The following ERMP1 variants were observed in gnomAD, a reference collection of about 807,000 sequenced individuals.
ERMP1 encodes the protein Felix-ina.
A neutral mutation model predicts 92.0 loss-of-function variants in ERMP1; 86 were observed. The observed-to-expected ratio is 0.93, with a 90% CI of 0.79 to 1.12. ERMP1 has a LOEUF of 1.12. Ranked by LOEUF, ERMP1 falls within the 50% of genes most tolerant of loss-of-function variation. The pLI, the probability that ERMP1 is intolerant of heterozygous loss-of-function variation, is 0.00. For missense variants in ERMP1, 1,342 were observed against 1,116.3 expected, an observed-to-expected ratio of 1.20 and a Z score of -2.88; for synonymous variants, 530 against 412.8, an observed-to-expected ratio of 1.28 and a Z score of -3.44.
intron 10 of ERMP1, among the ~76,000 whole-genome samples, chr9:5,801,637 G>T (rs574716882): frequency 6.6e-6 from 1 of 152,304 alleles, no homozygotes; most frequent in Admixed American, 6.5e-5. Context: ...TGTGCGAAAA[G>T]AACAGAAATG....
intron 6 of ERMP1, among the ~76,000 whole-genome samples, chr9:5,847,672 G>A (rs1830254109): frequency 6.6e-6 from 1 of 152,084 alleles, no homozygotes; most frequent in Admixed American, 6.5e-5. Flanking sequence ...AAGGCGGGCG[G>A]ATCATGAGGT....
In ERMP1 at chr9:5,805,706, G is replaced by A; in HGVS notation, c.1628C>T (p.Thr543Ile). 6.2e-7 allele frequency: 1 copy of A among 1,613,744 alleles called. No individual in the cohort carries two copies. Among genetic ancestry groups the A allele is most frequent in the Admixed American group, 1.7e-5 (1 of 59,954 alleles). ...AAACGCCGAGCAAAGTCCTTGGTAAGTGAGGGTAACAAGAAAACAGCAATG... is the reference window on the plus strand; with the variant it reads ...AAACGCCGAGCAAAGTCCTTGGTAAATGAGGGTAACAAGAAAACAGCAATG... ...FVHCCFLVTL[T>I]YQGLCSAFIS... Residue 543 changes from threonine to isoleucine, a missense_variant, in exon 9 of 15, where the codon ACT becomes ATT. Coordinates refer to ENST00000339450, the MANE Select transcript of ERMP1 (RefSeq NM_024896.3).
intron 4 of ERMP1, 64 bp from the exon 5 acceptor site, chr9:5,813,099 T>A (rs1829169001): frequency 1.3e-6 from 2 of 1,558,766 alleles, no homozygotes; most frequent in Non-Finnish European, 8.8e-7. Flanking sequence ...ATACTAATGT[T>A]TTTCAACACA....
At chr9:5,797,261 T>C (rs1485396291) in intron 13 of ERMP1, among the ~76,000 whole-genome samples, 1 of 151,862 alleles carries the variant, frequency 6.6e-6, no homozygotes, top group Non-Finnish European at 1.5e-5. Flanking sequence ...TGGCTGGTCT[T>C]GAACTCCTGG....
At chr9:5,817,388 C>G (rs1268603607) in intron 4 of ERMP1, among the ~76,000 whole-genome samples, 1 of 152,068 alleles carries the variant, frequency 6.6e-6, no homozygotes, top group Admixed American at 6.5e-5. Flanking sequence ...CAGGGTTTCA[C>G]AATGTTGGCC....
intron 6 of ERMP1, among the ~76,000 whole-genome samples, chr9:5,845,173 G>C (rs1830220903): frequency 6.7e-6 from 1 of 150,000 alleles, no homozygotes; most frequent in African/African-American, 2.5e-5. Context: ...TGGTGGTGGT[G>C]GTTTAATTTT....
chr9:5,797,125 C>T (rs1010994843), intron 13 of ERMP1, among the ~76,000 whole-genome samples: 1 of 152,040 alleles, frequency 6.6e-6, no homozygotes. Context: ...ACCTCCTGGG[C>T]TCAAGTGATT....
Position 5,798,908 on chromosome 9 carries a change from G to C in ERMP1, c.2168C>G (p.Thr723Ser), listed in dbSNP as rs1378096672. ...ATCATTGATCTCAGGAATGTGAGGG[G>C]TTATGTGAGAAATTCCAGTATAATC... is the stretch of plus-strand genomic sequence containing the variant. ...GFDYTGISHI[T>S]PHIPEINDSI... Residue 723 changes from threonine to serine, a missense_variant, in exon 12 of 15, where the codon ACC becomes AGC. Transcript: ENST00000339450. The C allele has an allele frequency of 1.9e-6, 3 of 1,611,806 alleles. No homozygotes were observed. The African/African-American group carries it at 4.0e-5, about 22-fold the overall frequency.
intron 6 of ERMP1, 22 bp from the exon 7 acceptor site, chr9:5,811,345 A>G (rs762187943): frequency 5.8e-6 from 9 of 1,541,066 alleles, no homozygotes; most frequent in Admixed American, 4.0e-5. Flanking sequence ...AACAAAAAAA[A>G]AAAGAAAGAA....
At chr9:5,849,410 G>C (rs891887699) in intron 6 of ERMP1, among the ~76,000 whole-genome samples, 1 of 152,164 alleles carries the variant, frequency 6.6e-6, no homozygotes, top group Non-Finnish European at 1.5e-5. Flanking sequence ...GAGCAACCTG[G>C]TCCGGGGGAG....
rs550887100 is a variant in ERMP1 at position 5,828,232 on chromosome 9, C to T, written c.640+2495G>A. ...CACATATACAATCTGTAACATTTGG[C>T]ACTATGTTTGTAAAGAGTAACTGAA... On this transcript the variant is annotated intron_variant, in intron 2 of 14. Transcript: ENST00000339450. 2.6e-5 allele frequency among the ~76,000 whole-genome samples: 4 copies of T among 152,310 alleles called. No homozygotes were observed. In the South Asian group the frequency reaches 6.2e-4, roughly 24 times the overall value.
rs1287689352 is a variant in ERMP1, at chr9:5,787,423, T to C, written c.2550+7A>G. ...CAATGAAACAAACAATGCTGGGAAA[T>C]TGGCACCTGCACTTCTATCCAGAAC... On this transcript the variant is annotated splice_region_variant and intron_variant, in intron 14 of 14. Coordinates refer to ENST00000339450, the MANE Select transcript of ERMP1 (RefSeq NM_024896.3). 4.3e-6 allele frequency: 7 copies of C among 1,611,038 alleles called. No individual in the cohort carries two copies. In the East Asian group the frequency reaches 1.3e-4, roughly 31 times the overall value.
At chr9:5,801,059 G>C (rs1828650873) in intron 11 of ERMP1, 117 bp downstream of exon 11, 1 of 1,029,072 alleles carries the variant, frequency 9.7e-7, no homozygotes. Flanking sequence ...AAAAAGGTGA[G>C]TATGACTAAA....
chr9:5,849,246 C>T (rs1378716160), intron 6 of ERMP1, among the ~76,000 whole-genome samples: 2 of 152,148 alleles, frequency 1.3e-5, no homozygotes, highest in Non-Finnish European at 2.9e-5. Context: ...GGGTCTCAAT[C>T]TCTTGACCTC....
At chr9:5,792,654 A>G (rs1008168493) in intron 13 of ERMP1, among the ~76,000 whole-genome samples, 1 of 152,214 alleles carries the variant, frequency 6.6e-6, no homozygotes, top group African/African-American at 2.4e-5. Context: ...CAGGAAAAAA[A>G]GATGGTCATG....
intron 5 of ERMP1, among the ~76,000 whole-genome samples, chr9:5,861,125 T>C (rs191887543): frequency 9.2e-5 from 14 of 151,790 alleles, no homozygotes; most frequent in African/African-American, 3.4e-4. Context: ...TCTGTCAAAA[T>C]GTTTCTGCAT....
intron 6 of ERMP1, among the ~76,000 whole-genome samples, chr9:5,841,661 C>T (rs1013796605): frequency 1.3e-5 from 2 of 152,134 alleles, no homozygotes; most frequent in East Asian, 1.9e-4. Context: ...CATGGTGGCA[C>T]GTGCCTGTAA....
chr9:5,839,716 C>G (rs548350839), intron 6 of ERMP1, among the ~76,000 whole-genome samples: 1 of 152,098 alleles, frequency 6.6e-6, no homozygotes, highest in South Asian at 2.1e-4. Flanking sequence ...ACTTGGCTTT[C>G]GGGCTGCATG....
At chr9:5,791,760 T>C (rs1828207517) in intron 13 of ERMP1, among the ~76,000 whole-genome samples, 1 of 152,202 alleles carries the variant, frequency 6.6e-6, no homozygotes, top group African/African-American at 2.4e-5. Context: ...TTGCTAAATT[T>C]AACAATTCAA....
Sources: allele counts gnomAD v4.1 joint callset (sites outside exome capture counted in the v4.1 genomes callset), GRCh38; gene constraint gnomAD v4.1.1; transcripts MANE v1.5; gene names NCBI Gene and HGNC (gene_info 2026-07-23, HGNC 2026-07-21).